GASK1A: variants seen among roughly 807,000 people sequenced by gnomAD.
GASK1A encodes the protein golgi associated kinase 1A, also known as Golgi-associated kinase 1A.
A neutral mutation model predicts 41.2 loss-of-function variants in GASK1A; 40 were observed. The observed-to-expected ratio is 0.97, with a 90% CI of 0.75 to 1.27. GASK1A has a LOEUF of 1.27. Ranked by LOEUF, GASK1A falls within the 50% of genes most tolerant of loss-of-function variation. GASK1A has a pLI of 0.00. For missense variants in GASK1A, 678 were observed against 745.1 expected, an observed-to-expected ratio of 0.91 and a Z score of 1.05; for synonymous variants, 316 against 307.1, an observed-to-expected ratio of 1.03 and a Z score of -0.30.
At chr3:43,015,175 AG>A (rs2089483773) in intron 1 of GASK1A, among the ~76,000 whole-genome samples, 1 of 146,700 alleles carries the variant, frequency 6.8e-6, no homozygotes. Context: ...AGAAAGGGGC[AG>A]GGTGGTGTGA....
chr3:43,006,037 G>A (rs577887971), intron 1 of GASK1A, among the ~76,000 whole-genome samples: 1 of 151,684 alleles, frequency 6.6e-6, no homozygotes, highest in African/African-American at 2.4e-5. Context: ...CCTTTCCTGG[G>A]CACCTTTCTG....
At position 43,042,925 on chromosome 3, in the gene GASK1A, C is replaced by T. The variant is rs1190422824; in HGVS notation, c.1290+9372C>T. 2.6e-5 allele frequency among the ~76,000 whole-genome samples: 4 copies of T among 152,156 alleles called. No homozygotes were observed. In the East Asian group the frequency reaches 7.7e-4, roughly 29 times the overall value. ...CATGTATGTGGAAAGGCAAGGAGCA[C>T]AGCAAGGTGAGTCCTTAGAGGAGAG... On this transcript the variant is annotated intron_variant, in intron 2 of 4. Transcript: ENST00000430121.
At chr3:42,981,336 G>A (rs925787364) in intron 1 of GASK1A, among the ~76,000 whole-genome samples, 4 of 152,144 alleles carry the variant, frequency 2.6e-5, no homozygotes, top group African/African-American at 9.7e-5. Flanking sequence ...CCACAGGGCA[G>A]CCTGGCACTG....
Position 43,053,556 on chromosome 3 carries a change from C to T in GASK1A, c.1326C>T (p.Phe442=), listed in dbSNP as rs1467900399. The change falls in exon 3 of 5, where the codon TTC becomes TTT. Residue 442 remains phenylalanine (F), a synonymous_variant. Transcript: ENST00000430121. ...GCTTGGATCGCTACTGCTGTGGCTT[C>T]GAGCCTGAGCCCTCAGACCCCTGTG... ...HDRLDRYCCG[F]EPEPSDPCVE... 18 of 1,551,420 alleles carry T rather than the reference C, an allele frequency of 1.2e-5. No individual in the cohort carries two copies. The highest frequency in any genetic ancestry group is 7.3e-5 in the East Asian group (3 of 40,920).
chr3:42,988,589 T>C (rs1200716208), intron 1 of GASK1A, among the ~76,000 whole-genome samples: 2 of 152,260 alleles, frequency 1.3e-5, no homozygotes, highest in African/African-American at 2.4e-5. Flanking sequence ...AGACCAGCTC[T>C]GTGGAGAACC....
At chr3:42,981,117 TGA>T (rs1368708595) in intron 1 of GASK1A, among the ~76,000 whole-genome samples, 4 of 152,190 alleles carry the variant, frequency 2.6e-5, no homozygotes, top group Non-Finnish European at 5.9e-5. Context: ...TCCCGTTCTG[TGA>T]GTCATTGCAG....
At chr3:42,982,725 A>C (rs1229491178) in intron 1 of GASK1A, among the ~76,000 whole-genome samples, 4 of 152,194 alleles carry the variant, frequency 2.6e-5, no homozygotes, top group Non-Finnish European at 5.9e-5. Flanking sequence ...CACAAGAATG[A>C]ATTGCTCCGG....
chr3:42,993,296 T>A (rs927540663), intron 1 of GASK1A, among the ~76,000 whole-genome samples: 2 of 152,198 alleles, frequency 1.3e-5, no homozygotes, highest in African/African-American at 4.8e-5. Flanking sequence ...ACCTGTGACT[T>A]TGTCACCAAG....
chr3:43,048,695 T>C (rs1022586949), intron 2 of GASK1A, among the ~76,000 whole-genome samples: 4 of 152,204 alleles, frequency 2.6e-5, no homozygotes, highest in African/African-American at 9.6e-5. Flanking sequence ...AGCTTGCTCC[T>C]GGAGGCATTT....
chr3:43,015,492 CAGGA>C (rs1321513183), intron 1 of GASK1A, among the ~76,000 whole-genome samples: 3 of 148,854 alleles, frequency 2.0e-5, no homozygotes, highest in Non-Finnish European at 3.0e-5. Context: ...TGTGAAGCCA[CAGGA>C]AGGGGCAGTG....
At position 43,055,474 on chromosome 3, in the gene GASK1A, G is replaced by A. The variant is rs147516180; in HGVS notation, c.1456G>A (p.Ala486Thr). ...DPSHLVYIDN[A>T]GNLQHPEDKL... ...ATCTCACCTGGTCTACATCGATAAC[G>A]CTGGCAACCTTCAGCACCCTGAGGA... Residue 486 changes from alanine (A) to threonine (T), a missense_variant, in exon 4 of 5, where the codon GCT becomes ACT. Ala to Thr is a moderately conservative substitution (Grantham distance 58). Transcript: ENST00000430121. 852 of 1,551,808 alleles carry A rather than the reference G, an allele frequency of 5.5e-4. 5 individuals carry two copies. In the African/African-American group the frequency reaches 9.9e-3, roughly 18 times the overall value.
At chr3:43,048,073 A>C (rs867557618) in intron 2 of GASK1A, among the ~76,000 whole-genome samples, 1 of 152,234 alleles carries the variant, frequency 6.6e-6, no homozygotes, top group South Asian at 2.1e-4. Flanking sequence ...GAGGAAATGG[A>C]ATAGTGTTAA....
intron 2 of GASK1A, among the ~76,000 whole-genome samples, chr3:43,051,034 C>CT (rs2089686162): frequency 1.3e-5 from 2 of 151,982 alleles, no homozygotes; most frequent in Non-Finnish European, 1.5e-5. Context: ...GATTGATTGA[C>CT]TTTTTTCATG....
At chr3:43,019,293 T>C (rs1425750484) in intron 1 of GASK1A, among the ~76,000 whole-genome samples, 1 of 152,144 alleles carries the variant, frequency 6.6e-6, no homozygotes, top group African/African-American at 2.4e-5. Context: ...GGTGGTAGCT[T>C]TGGAGACAGG....
intron 1 of GASK1A, among the ~76,000 whole-genome samples, chr3:43,020,479 A>G (rs895647692): frequency 6.6e-6 from 1 of 152,134 alleles, no homozygotes; most frequent in Non-Finnish European, 1.5e-5. Flanking sequence ...AGACAGCACT[A>G]CACTCTTATT....
chr3:43,026,648 G>A (rs951562132), intron 1 of GASK1A, among the ~76,000 whole-genome samples: 1 of 152,088 alleles, frequency 6.6e-6, no homozygotes, highest in Non-Finnish European at 1.5e-5. Context: ...AACAGAAAGG[G>A]TGAATAAATA....
At chr3:43,009,198 CTG>C (rs1485805306) in intron 1 of GASK1A, among the ~76,000 whole-genome samples, 1 of 152,166 alleles carries the variant, frequency 6.6e-6, no homozygotes, top group Non-Finnish European at 1.5e-5. Context: ...AGTCCAGCTC[CTG>C]TGTATCCTTC....
chr3:43,003,696 A>G (rs2089421243), intron 1 of GASK1A, among the ~76,000 whole-genome samples: 1 of 152,172 alleles, frequency 6.6e-6, no homozygotes, highest in Admixed American at 6.5e-5. Flanking sequence ...AAATATCAGA[A>G]CTGCTATTTA....
chr3:43,021,335 T>G (rs1266855313), intron 1 of GASK1A, among the ~76,000 whole-genome samples: 2 of 152,160 alleles, frequency 1.3e-5, no homozygotes, highest in African/African-American at 4.8e-5. Context: ...CCATCCTGGT[T>G]ATCTTGGGAG....
Sources: allele counts gnomAD v4.1 joint callset (sites outside exome capture counted in the v4.1 genomes callset), GRCh38; gene constraint gnomAD v4.1.1; transcripts MANE v1.5; gene names NCBI Gene and HGNC (gene_info 2026-07-23, HGNC 2026-07-21).